The following CCNJL variants were observed in gnomAD, a reference collection of about 807,000 sequenced individuals.
The protein encoded by CCNJL is cyclin J like.
Under a neutral mutation model 33.4 loss-of-function variants are expected in CCNJL, and 33 were observed. The observed-to-expected ratio is 0.99, with a 90% confidence interval of 0.75 to 1.32. CCNJL has a LOEUF of 1.32. Ranked by LOEUF, CCNJL falls within the 40% of genes most tolerant of loss-of-function variation. CCNJL has a pLI of 0.00. For missense variants in CCNJL, 512 were observed against 499.7 expected (o/e 1.02, Z -0.23); for synonymous variants, 227 against 220.9 (o/e 1.03, Z -0.24).
At chr5:160,333,052 AAACAGC>A (rs931420917) in intron 1 of CCNJL, among the ~76,000 whole-genome samples, 6 of 152,286 alleles carry the variant, frequency 3.9e-5, no homozygotes, top group East Asian at 1.9e-4. Flanking sequence ...TGGGATGCCA[AAACAGC>A]AGGATTGCTT....
intron 1 of CCNJL, among the ~76,000 whole-genome samples, chr5:160,323,767 T>G (rs1467527579): frequency 2.0e-5 from 3 of 152,252 alleles, no homozygotes; most frequent in Non-Finnish European, 2.9e-5. Flanking sequence ...GGAAGCTGAC[T>G]GCCCTCCCCA....
chr5:160,328,427 T>C (rs1763566090), intron 1 of CCNJL, among the ~76,000 whole-genome samples: 1 of 152,016 alleles, frequency 6.6e-6, no homozygotes, highest in South Asian at 2.1e-4. Flanking sequence ...ATAACGCGGA[T>C]GAAGAGAAAT....
At chr5:160,311,385 A>G (rs984414213) in intron 2 of CCNJL, among the ~76,000 whole-genome samples, 16 of 152,168 alleles carry the variant, frequency 1.1e-4, no homozygotes, top group Admixed American at 9.2e-4. Flanking sequence ...ACTTATCTTT[A>G]TATAGAGTTA....
chr5:160,309,540 A>G (rs1439343393), intron 2 of CCNJL, among the ~76,000 whole-genome samples: 1 of 152,246 alleles, frequency 6.6e-6, no homozygotes, highest in Non-Finnish European at 1.5e-5. Flanking sequence ...GAAACATATT[A>G]TCAGAGTAGA....
rs1020794214 is a variant in CCNJL, at chr5:160,250,268, A to G, written c.*3110T>C. The G allele has an allele frequency of 1.3e-5, 2 of 152,170 alleles. No homozygotes were observed. Among genetic ancestry groups the G allele is most frequent in the African/African-American group, 2.4e-5 (1 of 41,440 alleles). 9.4% of individuals were successfully genotyped at this position (152,170 alleles called of 1,614,324 possible). A position where few individuals can be genotyped will look rare whatever the true frequency, so the allele number is the denominator to read the frequency against. ...GAAATGGAAGCCCAAAGAGGGAGGG[A>G]TTTGTCCAAAGTGAGGTGGGTGCTC... On this transcript the variant is annotated 3_prime_UTR_variant, in exon 6 of 6. Coordinates refer to ENST00000257536, the MANE Select transcript of CCNJL (RefSeq NM_001308173.3).
intron 3 of CCNJL, among the ~76,000 whole-genome samples, chr5:160,271,383 C>G (rs1761828277): frequency 6.6e-6 from 1 of 152,144 alleles, no homozygotes; most frequent in Admixed American, 6.5e-5. Flanking sequence ...TAAAAAAAAG[C>G]CATGCAGAGC....
chr5:160,256,616 C>T (rs1288152736), intron 4 of CCNJL, among the ~76,000 whole-genome samples: 1 of 152,096 alleles, frequency 6.6e-6, no homozygotes, highest in Non-Finnish European at 1.5e-5. Flanking sequence ...ACTCTGTTGT[C>T]TTAAATTGTT....
chr5:160,332,728 G>T (rs1763625595), intron 1 of CCNJL, among the ~76,000 whole-genome samples: 1 of 151,548 alleles, frequency 6.6e-6, no homozygotes, highest in Admixed American at 6.6e-5. Flanking sequence ...TTAGCAGGGG[G>T]GCTTTTCCCA....
chr5:160,254,617 C>T lies in CCNJL; in HGVS notation c.744-819G>A, dbSNP rs536784323. 3.3e-5 allele frequency: 11 copies of T among 334,764 alleles called. 1 individual carries two copies. The South Asian group carries it at 1.2e-3, about 36-fold the overall frequency. The allele number at this position is 334,764 out of a possible 1,614,324, so 20.7% of individuals were successfully genotyped here. ...CCACACAGCCCACCAGTCAGTCAGG[C>T]CAGCACCCAGGATACGCAGTGCCTG... On this transcript the variant is annotated intron_variant, in intron 5 of 5. Transcript: ENST00000257536.
At chr5:160,331,061 G>T (rs1342424345) in intron 1 of CCNJL, among the ~76,000 whole-genome samples, 1 of 152,048 alleles carries the variant, frequency 6.6e-6, no homozygotes, top group Non-Finnish European at 1.5e-5. Flanking sequence ...TCTCACCTCA[G>T]CTGTTCCTTG....
At chr5:160,303,609 T>TTTCCAAGTGGTAGGATTG (rs1762994143) in intron 2 of CCNJL, among the ~76,000 whole-genome samples, 1 of 152,138 alleles carries the variant, frequency 6.6e-6, no homozygotes, top group Non-Finnish European at 1.5e-5. Context: ...ACAGAGATTG[T>TTTCCAAGTGGTAGGATTG]TTCCAAGTGG....
intron 3 of CCNJL, among the ~76,000 whole-genome samples, chr5:160,270,444 GA>G (rs202033056): frequency 0.071 from 10,270 of 144,898 alleles, 431 homozygotes; most frequent in South Asian, 0.24. Context: ...ATGGTGTCTC[GA>G]AAAAAAAAAA....
At chr5:160,339,373 A>AC (rs61666605) in intron 1 of CCNJL, 116,049 of 310,048 alleles carry the variant, frequency 0.37, 17,676 homozygotes, top group Non-Finnish European at 0.41. Context: ...AAAAAAAAAC[A>AC]AAAAAAAACG....
At chr5:160,293,319 T>G (rs1561797350) in intron 2 of CCNJL, among the ~76,000 whole-genome samples, 1 of 152,074 alleles carries the variant, frequency 6.6e-6, no homozygotes, top group East Asian at 1.9e-4. Flanking sequence ...CTCAGCTACT[T>G]GGGAGGCTGA....
chr5:160,310,230 G>A (rs1284669586), intron 2 of CCNJL, among the ~76,000 whole-genome samples: 1 of 152,086 alleles, frequency 6.6e-6, no homozygotes, highest in Non-Finnish European at 1.5e-5. Flanking sequence ...AAAGGGCCAG[G>A]ACCATACCCC....
intron 2 of CCNJL, among the ~76,000 whole-genome samples, chr5:160,304,807 G>A (rs186499868): frequency 1.2e-4 from 17 of 139,632 alleles, no homozygotes; most frequent in Admixed American, 5.0e-4. Flanking sequence ...ATGGACCTTG[G>A]TCACTACTTT....
At chr5:160,300,430 A>G (rs1465803376) in intron 2 of CCNJL, among the ~76,000 whole-genome samples, 1 of 152,204 alleles carries the variant, frequency 6.6e-6, no homozygotes, top group Non-Finnish European at 1.5e-5. Context: ...ATCCTCTAGC[A>G]CAAGCGTGTC....
At chr5:160,314,601 A>G (rs1029380841), upstream of CCNJL, among the ~76,000 whole-genome samples, 1 of 152,258 alleles carries the variant, frequency 6.6e-6, no homozygotes, top group Non-Finnish European at 1.5e-5. Flanking sequence ...TTGAATAAAT[A>G]TGCAGGATCT....
At chr5:160,303,275 G>A (rs551486320) in intron 2 of CCNJL, among the ~76,000 whole-genome samples, 9 of 152,108 alleles carry the variant, frequency 5.9e-5, no homozygotes, top group African/African-American at 1.4e-4. Context: ...GTGCAATCTC[G>A]GCTCACTGCA....
Sources: gnomAD v4.1 joint callset for allele counts (sites outside exome capture counted in the v4.1 genomes callset) on GRCh38, gnomAD v4.1.1 for gene constraint, MANE v1.5 for transcripts, NCBI Gene and HGNC (gene_info 2026-07-23, HGNC 2026-07-21) for gene names.